KPNA1: variants seen among roughly 807,000 people sequenced by gnomAD.
The protein encoded by KPNA1 is karyopherin subunit alpha 1, also known as importin subunit alpha-5.
In KPNA1, 10 loss-of-function variants were observed where a neutral mutation model predicts 70.5. That is an observed-to-expected ratio of 0.14 (90% CI 0.09 to 0.24). The LOEUF (loss-of-function observed/expected upper bound fraction) is 0.24. Among genes scored for constraint, KPNA1 ranks in the 10% least tolerant of loss-of-function variants. The pLI is 1.00. For synonymous variants in KPNA1, 192 were observed against 221.9 expected (o/e 0.87, Z 1.20); for missense variants, 397 against 637.9 (o/e 0.62, Z 4.07).
Position 122,449,634 on chromosome 3 carries a change from T to C in KPNA1, c.857A>G (p.Asn286Ser), listed in dbSNP as rs1336879899. Residue 286 changes from asparagine (N) to serine (S), a missense_variant, in exon 9 of 14, where the codon AAT (asparagine) becomes AGT (serine). Physicochemically the swap from Asn to Ser is conservative, Grantham distance 46 (BLOSUM62 1). Transcript: ENST00000344337. ...WALSYLSDGPNDKIQAVIDAG... is the reference protein window; with the variant it reads ...WALSYLSDGPSDKIQAVIDAG... ...ATCGATGACCGCTTGAATTTTATCA[T>C]TGGGTCCATCTGATAGATATGAGAG... is the stretch of plus-strand genomic sequence containing the variant. 5 of 1,613,842 alleles carry C rather than the reference T, an allele frequency of 3.1e-6. No individual in the cohort carries two copies. The highest frequency in any genetic ancestry group is 1.7e-5 in the Admixed American group (1 of 59,974).
In KPNA1 at chr3:122,484,759, T is replaced by G. The variant is rs150353051; in HGVS notation, c.129+11678A>C. On this transcript the variant is annotated intron_variant, in intron 2 of 13. Transcript: ENST00000344337. Reference sequence around the variant, plus strand: ...GCTCATGGGTCAGAGGACTCAAGATTGTTAACAGTATCAATTCTCCAAACT... The same window carrying G: ...GCTCATGGGTCAGAGGACTCAAGATGGTTAACAGTATCAATTCTCCAAACT... Among the ~76,000 whole-genome samples, 41 of 152,288 alleles carry G rather than the reference T, an allele frequency of 2.7e-4. No individual in the cohort carries two copies. The East Asian group carries it at 7.7e-3, about 29-fold the overall frequency.
intron 5 of KPNA1, 96 bp downstream of exon 5, chr3:122,461,128 C>A: frequency 2.8e-6 from 2 of 717,518 alleles, no homozygotes; most frequent in South Asian, 2.0e-5. Context: ...AAACTTAATT[C>A]TTCATACAGA....
chr3:122,493,267 T>C (rs1229150273), intron 2 of KPNA1, among the ~76,000 whole-genome samples: 1 of 151,570 alleles, frequency 6.6e-6, no homozygotes, highest in Non-Finnish European at 1.5e-5. Context: ...CCTTATACAA[T>C]GAGACATACA....
intron 11 of KPNA1, 65 bp from the exon 12 acceptor site, chr3:122,433,853 A>G (rs1371466607): frequency 1.6e-6 from 2 of 1,282,782 alleles, no homozygotes; most frequent in African/African-American, 3.1e-5. Context: ...CATGATACTA[A>G]TTATAATTTC....
intron 9 of KPNA1, among the ~76,000 whole-genome samples, chr3:122,444,122 A>G (rs2076102786): frequency 6.6e-6 from 1 of 152,214 alleles, no homozygotes; most frequent in African/African-American, 2.4e-5. Context: ...CTTGCTGAGA[A>G]AAAGAACTGA....
intron 1 of KPNA1, among the ~76,000 whole-genome samples, chr3:122,511,721 A>G (rs2107514195): frequency 6.6e-6 from 1 of 152,340 alleles, no homozygotes; most frequent in South Asian, 2.1e-4. Context: ...TAAATTCATA[A>G]CACCATGCAA....
intron 11 of KPNA1, among the ~76,000 whole-genome samples, chr3:122,436,905 G>A (rs775955085): frequency 3.3e-5 from 5 of 152,020 alleles, no homozygotes; most frequent in East Asian, 1.9e-4. Flanking sequence ...AGCCTCCCGC[G>A]TAGCTGGGAC....
intron 11 of KPNA1, among the ~76,000 whole-genome samples, chr3:122,434,398 G>T (rs1396942867): frequency 6.6e-6 from 1 of 152,022 alleles, no homozygotes; most frequent in Non-Finnish European, 1.5e-5. Flanking sequence ...CTGCTCCTCT[G>T]CTATTCCATT....
chr3:122,465,697 C>T (rs1576313398), intron 3 of KPNA1, among the ~76,000 whole-genome samples: 2 of 152,206 alleles, frequency 1.3e-5, no homozygotes. Flanking sequence ...GTCAGGAGTT[C>T]AAGACCAACC....
intron 1 of KPNA1, 121 bp from the exon 2 acceptor site, chr3:122,496,691 T>C (rs966689356): frequency 8.4e-6 from 7 of 835,178 alleles, no homozygotes; most frequent in Non-Finnish European, 1.3e-5. Context: ...CAGAAATGGC[T>C]ACTTCCCCTC....
rs760775587 is a variant in KPNA1 at position 122,433,761 on chromosome 3, C to A, written c.1150G>T (p.Ala384Ser). The change falls in exon 12 of 14, where the codon GCC becomes TCC. Residue 384 changes from alanine (A) to serine (S), a missense_variant. Physicochemically the swap from Ala to Ser is moderately conservative, Grantham distance 99. Coordinates refer to ENST00000344337, the MANE Select transcript of KPNA1 (RefSeq NM_002264.4). ...GCAGTTTGTAAAATACTAATGAGGG[C>A]TGGGAAAATGTTGGCATCTATCACA... ...QTVIDANIFP[A>S]LISILQTAEF... is the part of the protein sequence containing the mutation. 1 of 1,610,710 alleles carries A rather than the reference C, an allele frequency of 6.2e-7. No homozygotes were observed. Among genetic ancestry groups the A allele is most frequent in the Non-Finnish European group, 8.5e-7 (1 of 1,178,786 alleles).
intron 2 of KPNA1, among the ~76,000 whole-genome samples, chr3:122,478,772 G>A (rs1337301858): frequency 1.3e-5 from 2 of 149,936 alleles, no homozygotes; most frequent in East Asian, 3.9e-4. Context: ...GAAGGCACTT[G>A]TAATCCCAGC....
At chr3:122,469,371 A>G (rs1035652643) in intron 2 of KPNA1, among the ~76,000 whole-genome samples, 6 of 152,160 alleles carry the variant, frequency 3.9e-5, no homozygotes, top group Non-Finnish European at 7.4e-5. Context: ...GATTAAGTAA[A>G]TTTACTGAGA....
intron 1 of KPNA1, chr3:122,514,508 A>G (rs2076994821): frequency 6.6e-6 from 1 of 151,486 alleles, no homozygotes; most frequent in Admixed American, 6.6e-5. Flanking sequence ...CCTAGCCTCG[A>G]CCGGCGTTCC....
At position 122,466,048 on chromosome 3, in the gene KPNA1, T is replaced by C. The variant is rs553889477; in HGVS notation, c.237+1274A>G. Among the ~76,000 whole-genome samples the C allele has an allele frequency of 1.4e-4, 21 of 152,284 alleles. No homozygotes were observed. The South Asian group carries it at 1.5e-3, about 11-fold the overall frequency. ...ACTTAACACTCTCTTCTTAAAAAAA[T>C]TGGAAAGACTGGCTTTCTGAAGGGC... On this transcript the variant is annotated intron_variant, in intron 3 of 13. Coordinates refer to ENST00000344337, the MANE Select transcript of KPNA1 (RefSeq NM_002264.4).
intron 12 of KPNA1, 26 bp downstream of exon 12, chr3:122,433,635 C>T: frequency 6.4e-7 from 1 of 1,561,440 alleles, no homozygotes; most frequent in East Asian, 2.3e-5. Flanking sequence ...CTTTAACTTA[C>T]AATATGCTGC....
chr3:122,448,331 T>C (rs1436588766), intron 9 of KPNA1, among the ~76,000 whole-genome samples: 1 of 152,130 alleles, frequency 6.6e-6, no homozygotes, highest in Non-Finnish European at 1.5e-5. Flanking sequence ...TAGCAAAGAC[T>C]TGGAACCAAC....
At chr3:122,507,298 G>A (rs531019322) in intron 1 of KPNA1, among the ~76,000 whole-genome samples, 51 of 152,056 alleles carry the variant, frequency 3.4e-4, no homozygotes, top group Non-Finnish European at 5.9e-4. Flanking sequence ...AAAATTAGCC[G>A]GGCGTGGTGG....
At chr3:122,480,781 G>A (rs1297622670) in intron 2 of KPNA1, among the ~76,000 whole-genome samples, 3 of 152,156 alleles carry the variant, frequency 2.0e-5, no homozygotes, top group African/African-American at 7.2e-5. Context: ...GAGGCCAGGA[G>A]TTCGAGACCA....
Sources: gnomAD v4.1 joint callset for allele counts (sites outside exome capture counted in the v4.1 genomes callset) on GRCh38, gnomAD v4.1.1 for gene constraint, MANE v1.5 for transcripts, NCBI Gene and HGNC (gene_info 2026-07-23, HGNC 2026-07-21) for gene names.